Variants in NKAIN3 observed in about 807,000 individuals in gnomAD.
The protein encoded by NKAIN3 is sodium/potassium-transporting ATPase subunit beta-1-interacting protein 3.
Under a neutral mutation model 30.2 loss-of-function variants are expected in NKAIN3, and 25 were observed. That is an observed-to-expected ratio of 0.83 (90% CI 0.60 to 1.16). The LOEUF (loss-of-function observed/expected upper bound fraction) is 1.16, where lower values mean the gene tolerates loss of function less well. Ranked by LOEUF, NKAIN3 falls within the 50% of genes most tolerant of loss-of-function variation. The probability of loss-of-function intolerance (pLI) is 0.00; values close to 1 mark genes in which losing one functional copy is unlikely to be tolerated. For missense variants in NKAIN3, 225 were observed against 254.1 expected (o/e 0.89, Z 0.78); for synonymous variants, 91 against 89.6 (o/e 1.02, Z -0.09).
intron 1 of NKAIN3, among the ~76,000 whole-genome samples, chr8:62,464,396 T>C (rs1369564776): frequency 6.6e-6 from 1 of 152,202 alleles, no homozygotes; most frequent in Non-Finnish European, 1.5e-5. Context: ...TACATACAAG[T>C]ATACTTAAAT....
chr8:62,453,532 A>G (rs999240697), intron 1 of NKAIN3, among the ~76,000 whole-genome samples: 1 of 152,144 alleles, frequency 6.6e-6, no homozygotes, highest in Non-Finnish European at 1.5e-5. Flanking sequence ...TCAAAACTAG[A>G]GCTGAAGTGA....
intron 3 of NKAIN3, among the ~76,000 whole-genome samples, chr8:62,727,849 GT>G (rs1434339219): frequency 6.6e-6 from 1 of 151,904 alleles, no homozygotes; most frequent in Non-Finnish European, 1.5e-5. Flanking sequence ...TTCTTTCTTT[GT>G]TTTTTACTTA....
chr8:62,745,185 A>G (rs1418235984), intron 3 of NKAIN3, among the ~76,000 whole-genome samples: 3 of 152,180 alleles, frequency 2.0e-5, no homozygotes, highest in Non-Finnish European at 2.9e-5. Flanking sequence ...CAGAGTTCCA[A>G]CCTCAATTTC....
chr8:62,494,501 A>G (rs1031737535), intron 1 of NKAIN3, among the ~76,000 whole-genome samples: 4 of 152,062 alleles, frequency 2.6e-5, no homozygotes, highest in African/African-American at 9.7e-5. Flanking sequence ...TGTCTCTGCC[A>G]GGTTTTGGTT....
At chr8:62,832,043 G>A (rs1253390279) in intron 4 of NKAIN3, among the ~76,000 whole-genome samples, 1 of 152,020 alleles carries the variant, frequency 6.6e-6, no homozygotes, top group Non-Finnish European at 1.5e-5. Context: ...ATACAAACCA[G>A]AAGAGATAAG....
At chr8:62,639,007 C>T (rs554774374) in intron 3 of NKAIN3, among the ~76,000 whole-genome samples, 79 of 152,242 alleles carry the variant, frequency 5.2e-4, no homozygotes, top group African/African-American at 1.8e-3. Flanking sequence ...ACTTTCTCTG[C>T]AAGTGTACTA....
intron 1 of NKAIN3, among the ~76,000 whole-genome samples, chr8:62,574,446 T>G (rs768946854): frequency 2.0e-5 from 3 of 152,098 alleles, no homozygotes; most frequent in Non-Finnish European, 4.4e-5. Context: ...CTATTTTTAG[T>G]TTTTTGAATT....
At chr8:62,721,072 A>C (rs1309236181) in intron 3 of NKAIN3, among the ~76,000 whole-genome samples, 3 of 152,186 alleles carry the variant, frequency 2.0e-5, no homozygotes, top group African/African-American at 7.2e-5. Context: ...CCCTTATAAA[A>C]TTTATGTCAC....
chr8:62,250,029 C>G (rs1812050510), intron 1 of NKAIN3, among the ~76,000 whole-genome samples: 1 of 152,188 alleles, frequency 6.6e-6, no homozygotes, highest in Non-Finnish European at 1.5e-5. Flanking sequence ...CGTTATACTT[C>G]AGACAGATTC....
chr8:62,866,297 A>G (rs1820412693), intron 4 of NKAIN3, among the ~76,000 whole-genome samples: 1 of 152,208 alleles, frequency 6.6e-6, no homozygotes, highest in Admixed American at 6.5e-5. Flanking sequence ...GGTATGGTAT[A>G]TACAATTTGC....
At chr8:62,902,933 T>C (rs1351271671) in intron 4 of NKAIN3, among the ~76,000 whole-genome samples, 2 of 152,186 alleles carry the variant, frequency 1.3e-5, no homozygotes, top group African/African-American at 4.8e-5. Context: ...ACAAGGTTCT[T>C]TGTGAGTCAG....
intron 3 of NKAIN3, among the ~76,000 whole-genome samples, chr8:62,624,052 G>A (rs1490211388): frequency 6.6e-6 from 1 of 152,082 alleles, no homozygotes; most frequent in Admixed American, 6.6e-5. Flanking sequence ...CATGGCATTT[G>A]TAAACTGTCA....
At chr8:62,450,209 T>C (rs991647442) in intron 1 of NKAIN3, among the ~76,000 whole-genome samples, 3 of 152,156 alleles carry the variant, frequency 2.0e-5, no homozygotes, top group Non-Finnish European at 4.4e-5. Context: ...TTAAAGCATG[T>C]AGCTAGTTAT....
intron 3 of NKAIN3, among the ~76,000 whole-genome samples, chr8:62,706,148 G>A (rs4737609): frequency 0.3 from 45,812 of 151,904 alleles, 9,300 homozygotes; most frequent in African/African-American, 0.58. Context: ...ACAGGAAGGG[G>A]TCTAGAAGCC....
intron 1 of NKAIN3, among the ~76,000 whole-genome samples, chr8:62,521,104 A>C (rs1335559558): frequency 6.6e-6 from 1 of 151,720 alleles, no homozygotes; most frequent in Non-Finnish European, 1.5e-5. Flanking sequence ...AAGTCATGAG[A>C]ACTGTGTCCC....
intron 4 of NKAIN3, among the ~76,000 whole-genome samples, chr8:62,801,805 A>G (rs1818073533): frequency 6.6e-6 from 1 of 152,280 alleles, no homozygotes; most frequent in Admixed American, 6.5e-5. Context: ...AAGGCTTCAG[A>G]CAATCAAACT....
chr8:62,776,928 A>G (rs1817208100), intron 4 of NKAIN3, among the ~76,000 whole-genome samples: 1 of 152,140 alleles, frequency 6.6e-6, no homozygotes, highest in Non-Finnish European at 1.5e-5. Context: ...TGTCTGAGAA[A>G]GTCTTTATTT....
chr8:62,701,804 T>A (rs1321748749), intron 3 of NKAIN3, among the ~76,000 whole-genome samples: 1 of 152,152 alleles, frequency 6.6e-6, no homozygotes, highest in Non-Finnish European at 1.5e-5. Context: ...AATCTCAGAT[T>A]TCACCTCTTA....
chr8:62,817,947 C>T (rs2130725952), intron 4 of NKAIN3, among the ~76,000 whole-genome samples: 1 of 152,286 alleles, frequency 6.6e-6, no homozygotes, highest in Middle Eastern at 3.4e-3. Context: ...CAGTGCCTTT[C>T]TGCATGGCCT....
Sources: allele counts gnomAD v4.1 joint callset (sites outside exome capture counted in the v4.1 genomes callset), GRCh38; gene constraint gnomAD v4.1.1; transcripts MANE v1.5; gene names NCBI Gene and HGNC (gene_info 2026-07-23, HGNC 2026-07-21).